Variants in EFHC2 observed in about 807,000 individuals in gnomAD.
EFHC2 encodes EF-hand domain-containing family member C2.
A neutral mutation model predicts 52.7 loss-of-function variants in EFHC2; 18 were observed. The observed-to-expected ratio is 0.34, with a 90% CI of 0.24 to 0.51. The LOEUF (loss-of-function observed/expected upper bound fraction) is 0.51, where lower values mean the gene tolerates loss of function less well. EFHC2 is among the 20% of genes least tolerant of loss of function. The pLI is 0.97. For missense variants in EFHC2, 513 were observed against 562.5 expected (o/e 0.91, Z 0.89); for synonymous variants, 203 against 204.1 (o/e 0.99, Z 0.04).
At chrX:44,288,070 A>G (rs2037765953) in intron 2 of EFHC2, among the ~76,000 whole-genome samples, 1 of 112,137 alleles carries the variant, frequency 8.9e-6, no homozygotes, top group South Asian at 3.6e-4. Flanking sequence ...CCCAAACAAA[A>G]TAAAAGCAAC....
At chrX:44,192,586 G>A (rs771855425) in intron 11 of EFHC2, among the ~76,000 whole-genome samples, 3 of 110,787 alleles carry the variant, frequency 2.7e-5, no homozygotes, top group African/African-American at 9.8e-5. Flanking sequence ...TTTTTTAAAC[G>A]ATCTTTGATT....
chrX:44,330,085 C>CAAA (rs34888507), intron 1 of EFHC2, among the ~76,000 whole-genome samples: 3,687 of 46,296 alleles, frequency 0.08, 413 homozygotes, highest in African/African-American at 0.21. Flanking sequence ...CCTGTCTCTA[C>CAAA]AAAAAAAAAA....
At chrX:44,161,677 A>T (rs1240320730) in intron 14 of EFHC2, among the ~76,000 whole-genome samples, 1 of 111,970 alleles carries the variant, frequency 8.9e-6, no homozygotes, top group African/African-American at 3.3e-5. Context: ...GAGCAGTGCT[A>T]AAGGGACACA....
At chrX:44,215,256 C>T (rs908324628) in intron 11 of EFHC2, among the ~76,000 whole-genome samples, 1 of 110,985 alleles carries the variant, frequency 9.0e-6, no homozygotes, top group African/African-American at 3.3e-5. Context: ...GACCCAGTCT[C>T]GGGTAGTTAT....
intron 4 of EFHC2, among the ~76,000 whole-genome samples, chrX:44,259,404 G>T (rs919332438): frequency 1.4e-4 from 15 of 110,646 alleles, no homozygotes; most frequent in Non-Finnish European, 2.8e-4. Context: ...TCAGGGGGTG[G>T]GGGGATAGGG....
At chrX:44,265,846 G>C (rs191651992) in intron 3 of EFHC2, among the ~76,000 whole-genome samples, 97 of 111,429 alleles carry the variant, frequency 8.7e-4, no homozygotes, top group African/African-American at 3.1e-3. Flanking sequence ...GTCACCTTTA[G>C]AGTTTCGGTT....
At chrX:44,185,674 C>T (rs900035876) in intron 11 of EFHC2, among the ~76,000 whole-genome samples, 1 of 110,323 alleles carries the variant, frequency 9.1e-6, no homozygotes, top group African/African-American at 3.3e-5. Context: ...GTAGCTAGCT[C>T]CACAGGTGTG....
At chrX:44,258,994 T>G (rs980764883) in intron 4 of EFHC2, among the ~76,000 whole-genome samples, 2 of 111,504 alleles carry the variant, frequency 1.8e-5, no homozygotes, top group Non-Finnish European at 3.8e-5. Context: ...AGTGTGGCAA[T>G]TCCTTAAGGA....
At chrX:44,168,788 C>G (rs1194328292) in intron 13 of EFHC2, among the ~76,000 whole-genome samples, 1 of 110,533 alleles carries the variant, frequency 9.0e-6, no homozygotes, top group African/African-American at 3.3e-5. Context: ...TCCCTCCTAT[C>G]TTTGCAGGAG....
intron 1 of EFHC2, among the ~76,000 whole-genome samples, chrX:44,342,275 A>G (rs759502596): frequency 5.3e-5 from 6 of 112,321 alleles, no homozygotes; most frequent in Non-Finnish European, 9.4e-5. Context: ...AACAACTTAG[A>G]TACAGACAGT....
rs183170034 is a variant in EFHC2 at position 44,248,496 on chromosome X, A to C, written c.973-86T>G. 916 of 1,009,668 alleles carry C rather than the reference A, an allele frequency of 9.1e-4. 6 individuals carry two copies. In the East Asian group the frequency reaches 0.019, roughly 21 times the overall value. The allele number at this position is 1,009,668 out of a possible 1,213,427, so 83.2% of individuals were successfully genotyped here. ...CTTCCCAGAGAAAAAAAGGAAATTA[A>C]AAATAAAACTTCAATCTTTAATAAC... On this transcript the variant is annotated intron_variant, in intron 6 of 14. Transcript: ENST00000420999.
intron 1 of EFHC2, among the ~76,000 whole-genome samples, chrX:44,320,795 C>T (rs2038013868): frequency 9.1e-6 from 1 of 110,298 alleles, no homozygotes; most frequent in African/African-American, 3.3e-5. Context: ...AGTCCCTTCT[C>T]CCCTCCATTC....
intron 7 of EFHC2, among the ~76,000 whole-genome samples, chrX:44,245,871 C>T (rs1371247133): frequency 9.0e-6 from 1 of 111,552 alleles, no homozygotes; most frequent in Admixed American, 9.5e-5. Context: ...GGAGAAGGTA[C>T]TAAAGCACCA....
At chrX:44,149,797 C>T (rs1386598765) in intron 14 of EFHC2, among the ~76,000 whole-genome samples, 1 of 112,286 alleles carries the variant, frequency 8.9e-6, no homozygotes, top group Non-Finnish European at 1.9e-5. Context: ...GAATTACAGA[C>T]GTGAACTGCT....
intron 14 of EFHC2, among the ~76,000 whole-genome samples, chrX:44,151,037 G>A (rs7058405): frequency 0.066 from 7,252 of 109,931 alleles, 240 homozygotes; most frequent in Admixed American, 0.16. Flanking sequence ...GAGATTAGAG[G>A]TTTGCAGCTG....
In EFHC2 at chrX:44,272,715, G is replaced by A; in HGVS notation, c.353C>T (p.Pro118Leu). Residue 118 changes from proline to leucine, a missense_variant, in exon 3 of 15, where the codon CCA (proline) becomes CTA (leucine). By Grantham distance (98) the Pro-to-Leu change is moderately conservative. Transcript: ENST00000420999. ...AAGTAATCCACTATTTTTCACCTCT[G>A]GTTCATTTACTTGAATTGTGTCATC... is the stretch of plus-strand genomic sequence containing the variant. ...PEDDTIQVNEPEVKNSGLLQG... is the reference protein window; with the variant it reads ...PEDDTIQVNELEVKNSGLLQG... 1 of 1,169,910 alleles carries A rather than the reference G, an allele frequency of 8.5e-7. No homozygotes were observed. The highest frequency in any genetic ancestry group is 3.2e-5 in the East Asian group (1 of 31,722).
chrX:44,303,770 C>T (rs2037884885), intron 2 of EFHC2, among the ~76,000 whole-genome samples: 1 of 111,124 alleles, frequency 9.0e-6, no homozygotes, highest in African/African-American at 3.3e-5. Flanking sequence ...ATTACAAGCT[C>T]GATGTCAATT....
chrX:44,201,470 A>G (rs1169655040), intron 11 of EFHC2, among the ~76,000 whole-genome samples: 1 of 111,955 alleles, frequency 8.9e-6, no homozygotes, highest in African/African-American at 3.2e-5. Flanking sequence ...GTTTAAAAAA[A>G]TCTAAAAAAC....
At chrX:44,198,230 C>G (rs187683051) in intron 11 of EFHC2, among the ~76,000 whole-genome samples, 2 of 111,833 alleles carry the variant, frequency 1.8e-5, no homozygotes, top group Non-Finnish European at 1.9e-5. Flanking sequence ...ATAAGAAACA[C>G]TCTATCTGTT....
Sources: allele counts gnomAD v4.1 joint callset (sites outside exome capture counted in the v4.1 genomes callset), GRCh38; gene constraint gnomAD v4.1.1; transcripts MANE v1.5; gene names NCBI Gene and HGNC (gene_info 2026-07-23, HGNC 2026-07-21).